ITGA8: variants seen among roughly 807,000 people sequenced by gnomAD.
ITGA8 encodes the protein integrin alpha-8.
Under a neutral mutation model 142.3 loss-of-function variants are expected in ITGA8, and 91 were observed. That is an observed-to-expected ratio of 0.64 (90% CI 0.54 to 0.76). ITGA8 has a LOEUF of 0.76. Among genes scored for constraint, ITGA8 ranks in the 30% least tolerant of loss-of-function variants. The pLI is 0.00. For missense variants in ITGA8, 1,406 were observed against 1,327.7 expected (o/e 1.06, Z -0.92); for synonymous variants, 505 against 485.2 (o/e 1.04, Z -0.54).
chr10:15,575,574 A>G lies in ITGA8; in HGVS notation c.2393T>C (p.Ile798Thr), dbSNP rs932391685. The G allele has an allele frequency of 2.5e-6, 4 of 1,613,718 alleles. No homozygotes were observed. The African/African-American group carries it at 4.0e-5, about 16-fold the overall frequency. Residue 798 changes from isoleucine to threonine, a missense_variant, in exon 24 of 30, where the codon ATT (isoleucine) becomes ACT (threonine). Ile to Thr is a moderately conservative substitution (Grantham distance 89). Coordinates refer to ENST00000378076, the MANE Select transcript of ITGA8 (RefSeq NM_003638.3). Reference sequence around the variant, plus strand: ...TTCCCAGTTATGAATGGGCAGAACAATCTGCGGAGGGTGTGACACTCTGAA... The same window carrying G: ...TTCCCAGTTATGAATGGGCAGAACAGTCTGCGGAGGGTGTGACACTCTGAA... ...EIRGVSHPPQ[I>T]VLPIHNWEPE...
At chr10:15,648,206 A>G (rs935712610) in intron 11 of ITGA8, among the ~76,000 whole-genome samples, 1 of 152,150 alleles carries the variant, frequency 6.6e-6, no homozygotes, top group African/African-American at 2.4e-5. Context: ...ATATAATTTG[A>G]TCTAAATTAA....
intron 25 of ITGA8, among the ~76,000 whole-genome samples, chr10:15,560,091 T>C (rs965156977): frequency 5.3e-5 from 8 of 152,070 alleles, no homozygotes; most frequent in Admixed American, 5.2e-4. Flanking sequence ...GAGACCAGAC[T>C]GGGCAACATA....
At chr10:15,585,557 A>T (rs1329727611) in intron 23 of ITGA8, among the ~76,000 whole-genome samples, 1 of 152,228 alleles carries the variant, frequency 6.6e-6, no homozygotes, top group Non-Finnish European at 1.5e-5. Context: ...GAAGGAAACC[A>T]GCATTCTGGA....
chr10:15,708,411 TG>T (rs1337373497), intron 2 of ITGA8, among the ~76,000 whole-genome samples: 1 of 152,104 alleles, frequency 6.6e-6, no homozygotes, highest in African/African-American at 2.4e-5. Context: ...GGAGACCAGG[TG>T]GAACAGGTTG....
rs71374633 is a variant in ITGA8 at position 15,565,573 on chromosome 10, A to ATTTTTTTTTTTTTTTTTTTTTTTT, written c.2637+6614_2637+6637dup. Among the ~76,000 whole-genome samples the ATTTTTTTTTTTTTTTTTTTTTTTT allele has an allele frequency of 1.7e-4, 6 of 34,782 alleles. 3 individuals are homozygous for ATTTTTTTTTTTTTTTTTTTTTTTT. Among genetic ancestry groups the ATTTTTTTTTTTTTTTTTTTTTTTT allele is most frequent in the African/African-American group, 2.2e-4 (2 of 9,282 alleles). 22.8% of individuals were successfully genotyped at this position (34,782 alleles called of 152,430 possible). On this transcript the variant is annotated intron_variant, in intron 25 of 29. Transcript: ENST00000378076. ...ATAATCTTCTTCCTTTCATGTCCTGATTTTTTTTTTTTTTTTTTTTTTTTT... is the reference window on the plus strand; with the variant it reads ...ATAATCTTCTTCCTTTCATGTCCTGATTTTTTTTTTTTTTTTTTTTTTTTTTTTTTTTTTTTTTTTTTTTTTTTT...
chr10:15,617,467 C>T (rs377475084), intron 13 of ITGA8, among the ~76,000 whole-genome samples: 1 of 151,440 alleles, frequency 6.6e-6, no homozygotes, highest in African/African-American at 2.4e-5. Context: ...GGTGCAATCT[C>T]GGCTCACTGA....
chr10:15,694,912 C>T (rs4748196), intron 2 of ITGA8, among the ~76,000 whole-genome samples: 26,565 of 151,156 alleles, frequency 0.18, 2,367 homozygotes, highest in South Asian at 0.22. Flanking sequence ...TTACTAACCA[C>T]GAAAAGGAGA....
intron 27 of ITGA8, among the ~76,000 whole-genome samples, chr10:15,544,301 CA>C (rs372332312): frequency 4.7e-5 from 7 of 148,398 alleles, no homozygotes; most frequent in South Asian, 2.2e-4. Flanking sequence ...CTGTCTCTAC[CA>C]AAAAAAAACA....
chr10:15,559,828 G>T (rs1833944151), intron 25 of ITGA8, among the ~76,000 whole-genome samples: 4 of 139,336 alleles, frequency 2.9e-5, no homozygotes, highest in Admixed American at 7.2e-5. Flanking sequence ...TGTCAGGGTA[G>T]GGGGGCGGGG....
intron 13 of ITGA8, among the ~76,000 whole-genome samples, chr10:15,628,323 GGT>G (rs1564381453): frequency 1.5e-4 from 12 of 78,476 alleles, no homozygotes; most frequent in Non-Finnish European, 1.8e-4. Context: ...AATTTATTTT[GGT>G]TTTTTTTTTT....
intron 27 of ITGA8, among the ~76,000 whole-genome samples, chr10:15,541,124 C>G (rs1371805700): frequency 1.1e-4 from 17 of 152,172 alleles, no homozygotes; most frequent in Admixed American, 1.1e-3. Flanking sequence ...TGTGTGCTGC[C>G]TAGGAGTTAG....
chr10:15,637,791 C>T (rs993961574), intron 13 of ITGA8, among the ~76,000 whole-genome samples: 1 of 124,734 alleles, frequency 8.0e-6, no homozygotes, highest in African/African-American at 2.9e-5. Flanking sequence ...CCGTGCCCAT[C>T]GGCTAACTTT....
intron 2 of ITGA8, among the ~76,000 whole-genome samples, chr10:15,700,686 T>C (rs1464449955): frequency 1.3e-5 from 2 of 152,038 alleles, no homozygotes; most frequent in Non-Finnish European, 2.9e-5. Context: ...AGGACTAATA[T>C]CCAGAATCTA....
At chr10:15,711,816 T>G (rs553563113) in intron 2 of ITGA8, among the ~76,000 whole-genome samples, 1 of 152,336 alleles carries the variant, frequency 6.6e-6, no homozygotes, top group Non-Finnish European at 1.5e-5. Context: ...CTTCAGTGTT[T>G]ATGGGTCTAG....
At chr10:15,561,759 AG>A (rs1833986277) in intron 25 of ITGA8, among the ~76,000 whole-genome samples, 1 of 152,182 alleles carries the variant, frequency 6.6e-6, no homozygotes, top group African/African-American at 2.4e-5. Context: ...AGAGATGATT[AG>A]GGGCATGTGG....
intron 2 of ITGA8, among the ~76,000 whole-genome samples, chr10:15,695,310 T>C (rs535854807): frequency 3.3e-5 from 5 of 152,318 alleles, no homozygotes; most frequent in African/African-American, 1.2e-4. Flanking sequence ...CCTCCTCTCA[T>C]TGACCTTTGA....
intron 19 of ITGA8, among the ~76,000 whole-genome samples, chr10:15,604,855 G>A (rs1833166231): frequency 6.6e-6 from 1 of 151,940 alleles, no homozygotes; most frequent in East Asian, 1.9e-4. Context: ...ATAATGAGAG[G>A]GAAGAAGCAG....
chr10:15,661,477 C>A (rs1834286287), intron 8 of ITGA8, among the ~76,000 whole-genome samples: 1 of 152,066 alleles, frequency 6.6e-6, no homozygotes, highest in Non-Finnish European at 1.5e-5. Flanking sequence ...TGTTTCTTCT[C>A]CAGATAATAG....
At chr10:15,532,467 G>A (rs1050921550) in intron 27 of ITGA8, among the ~76,000 whole-genome samples, 3 of 131,840 alleles carry the variant, frequency 2.3e-5, no homozygotes, top group Non-Finnish European at 3.2e-5. Context: ...ACAGCCAGTT[G>A]TCCCCAGGGG....
Sources: gnomAD v4.1 joint callset for allele counts (sites outside exome capture counted in the v4.1 genomes callset) on GRCh38, gnomAD v4.1.1 for gene constraint, MANE v1.5 for transcripts, NCBI Gene and HGNC (gene_info 2026-07-23, HGNC 2026-07-21) for gene names.